Variants in HEXA observed in about 807,000 individuals in gnomAD.
The protein encoded by HEXA is hexosaminidase subunit alpha.
Under a neutral mutation model 73.3 loss-of-function variants are expected in HEXA, and 54 were observed. The ratio of observed to expected loss-of-function variants is 0.74; its 90% CI spans 0.59 to 0.92. The LOEUF (loss-of-function observed/expected upper bound fraction) is 0.92, where lower values mean the gene tolerates loss of function less well. HEXA is among the 40% of genes least tolerant of loss of function. HEXA has a pLI of 0.00. For synonymous variants in HEXA, 230 were observed against 246.9 expected, an observed-to-expected ratio of 0.93 and a Z score of 0.64; for missense variants, 649 against 653.0, an observed-to-expected ratio of 0.99 and a Z score of 0.07.
chr15:72,360,270 T>A lies in HEXA; in HGVS notation c.254-3653A>T, dbSNP rs979336681. The A allele has an allele frequency of 2.0e-5, 3 of 152,982 alleles. No homozygotes were observed. In the East Asian group the frequency reaches 5.8e-4, roughly 29 times the overall value. The allele number at this position is 152,982 out of a possible 1,614,324, so 9.5% of individuals were successfully genotyped here. On this transcript the variant is annotated intron_variant, in intron 1 of 13. Coordinates refer to ENST00000268097, the MANE Select transcript of HEXA (RefSeq NM_000520.6). The stretch of plus-strand genomic sequence containing the variant: ...ACTGGACCACTGCAAAATAATGGTC[T>A]CCATCTTGGCTGGGCCCTTGATGCT...
In HEXA at chr15:72,355,602, G is replaced by C; in HGVS notation, c.369C>G (p.Asp123Glu). The change falls in exon 3 of 14, where the codon GAC (aspartate) becomes GAG (glutamate). Residue 123 changes from aspartate to glutamate, a missense_variant. Physicochemically the swap from Asp to Glu is conservative, Grantham distance 45. Transcript: ENST00000268097. ...CAGTCTCAGAGAGGAGTAAACACTG[G>C]TCATCATTTATGGTCAGGGTATCTG... is the stretch of plus-strand genomic sequence containing the variant. Reference protein sequence around the residue: ...VENYTLTINDDQCLLLSETVW... With the variant: ...VENYTLTINDEQCLLLSETVW... The C allele has an allele frequency of 6.2e-7, 1 of 1,610,964 alleles. No individual in the cohort carries two copies. The highest frequency in any genetic ancestry group is 1.1e-5 in the South Asian group (1 of 91,006).
intron 1 of HEXA, chr15:72,358,936 A>T (rs2088818276): frequency 6.6e-6 from 1 of 152,344 alleles, no homozygotes; most frequent in Non-Finnish European, 1.5e-5. Context: ...GCCTCTACAC[A>T]CACCCGCCCA....
Position 72,348,146 on chromosome 15 carries a change from G to C in HEXA, c.987-12C>G. ...CTGGGTTGGACTTCCTGAATCCCAA[G>C]AGAAAATGAAGATTAATCTTTCAAC... On this transcript the variant is annotated splice_polypyrimidine_tract_variant and intron_variant, in intron 8 of 13. Transcript: ENST00000268097. 1.9e-6 allele frequency: 3 copies of C among 1,587,722 alleles called. No homozygotes were observed. Among genetic ancestry groups the C allele is most frequent in the Non-Finnish European group, 2.6e-6 (3 of 1,156,002 alleles).
intron 1 of HEXA, chr15:72,370,705 A>AAAAAG (rs2088979415): frequency 2.5e-6 from 1 of 397,432 alleles, no homozygotes; most frequent in South Asian, 1.3e-4. Context: ...CTTAAAAAAA[A>AAAAAG]AAAGAAAGAA....
chr15:72,346,826 A>G, intron 10 of HEXA, 116 bp from the exon 11 acceptor site: 1 of 965,158 alleles, frequency 1.0e-6, no homozygotes, highest in Non-Finnish European at 1.7e-6. Flanking sequence ...CCCCAGCAGC[A>G]AAGTATGTCT....
intron 1 of HEXA, among the ~76,000 whole-genome samples, chr15:72,373,405 A>C (rs891206253): frequency 6.6e-6 from 1 of 152,218 alleles, no homozygotes; most frequent in Non-Finnish European, 1.5e-5. Context: ...AGGAAACTAC[A>C]TTCCAAAGGG....
At chr15:72,345,638 C>T (rs1285421034) in intron 12 of HEXA, 88 bp from the exon 13 acceptor site, 3 of 1,569,190 alleles carry the variant, frequency 1.9e-6, no homozygotes, top group South Asian at 1.2e-5. Flanking sequence ...CTTGTCTAGG[C>T]ACCCTGGACT....
At chr15:72,363,051 G>T (rs1203210550) in intron 1 of HEXA, among the ~76,000 whole-genome samples, 1 of 152,114 alleles carries the variant, frequency 6.6e-6, no homozygotes, top group Non-Finnish European at 1.5e-5. Flanking sequence ...GCCAAAGTTT[G>T]TTCCCATGCC....
chr15:72,371,707 T>G (rs1202218744), intron 1 of HEXA, among the ~76,000 whole-genome samples: 2 of 151,814 alleles, frequency 1.3e-5, no homozygotes, highest in Non-Finnish European at 1.5e-5. Context: ...TTACTACATA[T>G]CTACAACGTT....
In HEXA at chr15:72,346,709, A is replaced by C; in HGVS notation, c.1148T>G (p.Ile383Ser). 6.2e-7 allele frequency: 1 copy of C among 1,613,998 alleles called. No individual in the cohort carries two copies. The highest frequency in any genetic ancestry group is 8.5e-7 in the Non-Finnish European group (1 of 1,179,974). The change falls in exon 11 of 14, where the codon ATT becomes AGT. Residue 383 changes from isoleucine (I) to serine (S), a missense_variant and splice_region_variant. Ile to Ser is a moderately radical substitution (Grantham distance 142). Coordinates refer to ENST00000268097, the MANE Select transcript of HEXA (RefSeq NM_000520.6). ...CACCTGTATGATTGTGTCTGGCTGA[A>C]TCTGTTATAAAAGGTCAAATGGCAG... ...WQEVFDNKVK[I>S]QPDTIIQVWR...
intron 1 of HEXA, chr15:72,359,264 G>A (rs2088822244): frequency 1.3e-5 from 2 of 152,096 alleles, no homozygotes; most frequent in Non-Finnish European, 2.9e-5. Flanking sequence ...TGATTCCATA[G>A]ACAGATAATA....
intron 13 of HEXA, among the ~76,000 whole-genome samples, chr15:72,345,068 G>A (rs567260742): frequency 2.0e-5 from 3 of 152,276 alleles, no homozygotes; most frequent in Admixed American, 2.0e-4. Flanking sequence ...GTATCCACAG[G>A]GGATTTGTTT....
chr15:72,351,270 GTC>G, intron 5 of HEXA, 36 bp from the exon 6 acceptor site: 1 of 1,378,318 alleles, frequency 7.3e-7, no homozygotes, highest in Non-Finnish European at 1.0e-6. Context: ...ACCCATCACA[GTC>G]TCTCCGGTTT....
intron 1 of HEXA, among the ~76,000 whole-genome samples, chr15:72,362,998 G>A (rs1345949936): frequency 1.3e-5 from 2 of 152,106 alleles, no homozygotes; most frequent in African/African-American, 4.8e-5. Context: ...ACTCTTTAAT[G>A]TCTACTCTGC....
chr15:72,356,772 T>C, intron 1 of HEXA, 155 bp from the exon 2 acceptor site: 1 of 1,097,154 alleles, frequency 9.1e-7, no homozygotes, highest in Non-Finnish European at 1.3e-6. Flanking sequence ...CCTGATCATC[T>C]GTTCAGCTGT....
At chr15:72,355,805 G>A (rs2088770009) in intron 2 of HEXA, 181 bp from the exon 3 acceptor site, 1 of 629,570 alleles carries the variant, frequency 1.6e-6, no homozygotes, top group Non-Finnish European at 2.9e-6. Flanking sequence ...GCCTGGTCTG[G>A]GGCCAGAGTG....
intron 3 of HEXA, 50 bp from the exon 4 acceptor site, chr15:72,353,787 G>C (rs2088735157): frequency 7.5e-7 from 1 of 1,328,564 alleles, no homozygotes; most frequent in South Asian, 1.2e-5. Context: ...TGGAAAAAGA[G>C]ATGTCTCTAT....
intron 3 of HEXA, 165 bp from the exon 4 acceptor site, chr15:72,353,902 G>A (rs1595802319): frequency 4.4e-6 from 3 of 680,792 alleles, no homozygotes. Context: ...GGGATATTAG[G>A]AAGCCACTAT....
intron 1 of HEXA, chr15:72,360,310 C>G (rs547401078): frequency 6.5e-6 from 1 of 152,784 alleles, no homozygotes; most frequent in South Asian, 2.1e-4. Flanking sequence ...TGAAAATCTT[C>G]TATCTCCATC....
Sources: allele counts gnomAD v4.1 joint callset (sites outside exome capture counted in the v4.1 genomes callset), GRCh38; gene constraint gnomAD v4.1.1; transcripts MANE v1.5; gene names NCBI Gene and HGNC (gene_info 2026-07-23, HGNC 2026-07-21).